Variants in PRKCH observed in about 807,000 individuals in gnomAD.
PRKCH encodes protein kinase C eta, also known as protein kinase C eta type.
Under a neutral mutation model 82.5 loss-of-function variants are expected in PRKCH, and 28 were observed. The observed-to-expected ratio is 0.34, with a 90% CI of 0.25 to 0.47. The LOEUF (loss-of-function observed/expected upper bound fraction) is 0.47, where lower values mean the gene tolerates loss of function less well. PRKCH is among the 20% of genes least tolerant of loss of function. PRKCH has a pLI of 1.00. For missense variants in PRKCH, 705 were observed against 881.8 expected, an observed-to-expected ratio of 0.80 and a Z score of 2.54; for synonymous variants, 322 against 327.4, an observed-to-expected ratio of 0.98 and a Z score of 0.18.
At chr14:61,463,195 T>G (rs1196325002) in intron 9 of PRKCH, 1 of 152,174 alleles carries the variant, frequency 6.6e-6, no homozygotes, top group Non-Finnish European at 1.5e-5. Flanking sequence ...GAGGGTCAAA[T>G]GAGAGAATGC....
intron 1 of PRKCH, among the ~76,000 whole-genome samples, chr14:61,372,863 T>C (rs2046380856): frequency 6.6e-6 from 1 of 152,100 alleles, no homozygotes; most frequent in Non-Finnish European, 1.5e-5. Flanking sequence ...TAGTGTTCTC[T>C]GTCTACCATT....
At chr14:61,255,659 A>G (rs1209470254) in intron 1 of PRKCH, among the ~76,000 whole-genome samples, 4 of 152,194 alleles carry the variant, frequency 2.6e-5, no homozygotes, top group Admixed American at 2.0e-4. Flanking sequence ...TTAATTCTCA[A>G]AACAGCCTTA....
chr14:61,222,597 T>C (rs1285386791), intron 1 of PRKCH, among the ~76,000 whole-genome samples: 1 of 152,236 alleles, frequency 6.6e-6, no homozygotes, highest in East Asian at 1.9e-4. Flanking sequence ...AACAACTCCA[T>C]GAACTTTTTT....
intron 1 of PRKCH, among the ~76,000 whole-genome samples, chr14:61,252,259 G>A (rs2044953864): frequency 6.6e-6 from 1 of 152,234 alleles, no homozygotes; most frequent in Non-Finnish European, 1.5e-5. Flanking sequence ...CCGTGGGGCA[G>A]CATGATTCCT....
intron 10 of PRKCH, among the ~76,000 whole-genome samples, chr14:61,515,393 A>G (rs1254742398): frequency 6.6e-6 from 1 of 152,236 alleles, no homozygotes; most frequent in African/African-American, 2.4e-5. Context: ...TAGCAGAACC[A>G]GTCACCTGTG....
intron 12 of PRKCH, among the ~76,000 whole-genome samples, chr14:61,535,835 A>C (rs1044111910): frequency 2.0e-5 from 3 of 152,194 alleles, no homozygotes; most frequent in African/African-American, 7.2e-5. Flanking sequence ...GTGGGGAGAA[A>C]CAGATGAAAC....
At chr14:61,229,527 T>C (rs1280103483) in intron 1 of PRKCH, among the ~76,000 whole-genome samples, 1 of 152,232 alleles carries the variant, frequency 6.6e-6, no homozygotes, top group African/African-American at 2.4e-5. Flanking sequence ...ACTAGCTGTT[T>C]GTGTAAATGG....
intron 1 of PRKCH, among the ~76,000 whole-genome samples, chr14:61,253,289 C>T (rs982865367): frequency 2.6e-5 from 4 of 152,202 alleles, no homozygotes; most frequent in Non-Finnish European, 5.9e-5. Context: ...TAATTGCCTG[C>T]CAGTGTTGCA....
intron 2 of PRKCH, among the ~76,000 whole-genome samples, chr14:61,436,627 G>C (rs1043113155): frequency 6.6e-6 from 1 of 152,200 alleles, no homozygotes; most frequent in Non-Finnish European, 1.5e-5. Context: ...CTGCCTCCCA[G>C]GTTCAAGCAA....
chr14:61,388,776 T>C (rs903847207), intron 1 of PRKCH, among the ~76,000 whole-genome samples: 3 of 152,172 alleles, frequency 2.0e-5, no homozygotes, highest in Non-Finnish European at 2.9e-5. Flanking sequence ...TCACAAGTGG[T>C]ATTAAGATAG....
At chr14:61,224,437 C>T (rs768563612) in intron 1 of PRKCH, among the ~76,000 whole-genome samples, 2 of 152,158 alleles carry the variant, frequency 1.3e-5, no homozygotes, top group Non-Finnish European at 2.9e-5. Flanking sequence ...TGGTCTAGGA[C>T]CCCATCTGAG....
intron 1 of PRKCH, among the ~76,000 whole-genome samples, chr14:61,313,004 G>A (rs1197233466): frequency 1.3e-5 from 2 of 152,164 alleles, no homozygotes; most frequent in East Asian, 3.8e-4. Context: ...TCAGTTCAAA[G>A]GCTAAAAGAG....
upstream of PRKCH, among the ~76,000 whole-genome samples, chr14:61,317,180 A>C (rs1397208018): frequency 2.6e-5 from 4 of 152,198 alleles, no homozygotes; most frequent in East Asian, 7.7e-4. Flanking sequence ...CTGCAGTCTC[A>C]GAACGCTATG....
chr14:61,331,054 G>A (rs192161319), intron 1 of PRKCH, among the ~76,000 whole-genome samples: 16 of 152,244 alleles, frequency 1.1e-4, no homozygotes, highest in Admixed American at 9.8e-4. Flanking sequence ...GCAGCCTATG[G>A]GCTGTGGGTT....
chr14:61,434,194 T>A (rs1305465980), intron 2 of PRKCH, among the ~76,000 whole-genome samples: 3 of 152,204 alleles, frequency 2.0e-5, no homozygotes, highest in African/African-American at 4.8e-5. Context: ...AATGTTTACA[T>A]TTTCAAGTAT....
intron 10 of PRKCH, among the ~76,000 whole-genome samples, chr14:61,501,900 C>T (rs1159320187): frequency 2.0e-5 from 3 of 152,052 alleles, no homozygotes; most frequent in Non-Finnish European, 4.4e-5. Flanking sequence ...ATGGTCTATG[C>T]ATATGCAAGC....
intron 1 of PRKCH, among the ~76,000 whole-genome samples, chr14:61,387,844 C>A (rs1370753577): frequency 1.3e-5 from 2 of 152,148 alleles, no homozygotes; most frequent in African/African-American, 4.8e-5. Context: ...TGTTTTTATT[C>A]TACTTTGAAA....
intron 12 of PRKCH, chr14:61,544,577 G>C (rs886522890): frequency 3.3e-5 from 5 of 152,134 alleles, no homozygotes; most frequent in Non-Finnish European, 5.9e-5. Context: ...CTGCACCCCA[G>C]ATTTACCCTA....
intron 1 of PRKCH, among the ~76,000 whole-genome samples, chr14:61,324,624 A>C (rs1037117463): frequency 1.3e-5 from 2 of 152,118 alleles, no homozygotes; most frequent in East Asian, 3.8e-4. Context: ...AGGTTCAAAA[A>C]TGCTTTAAAA....
Sources: gnomAD v4.1 joint callset for allele counts (sites outside exome capture counted in the v4.1 genomes callset) on GRCh38, gnomAD v4.1.1 for gene constraint, MANE v1.5 for transcripts, NCBI Gene and HGNC (gene_info 2026-07-23, HGNC 2026-07-21) for gene names.